Variants in ATRNL1 observed in about 807,000 individuals in gnomAD.
ATRNL1 encodes the protein attractin like 1.
A neutral mutation model predicts 182.7 loss-of-function variants in ATRNL1; 95 were observed. The observed-to-expected ratio is 0.52, with a 90% CI of 0.44 to 0.62. The LOEUF (loss-of-function observed/expected upper bound fraction) is 0.62. ATRNL1 is among the 20% of genes least tolerant of loss of function. The pLI is 0.00. For missense variants in ATRNL1, 1,471 were observed against 1,679.5 expected (o/e 0.88, Z 2.17); for synonymous variants, 576 against 568.3 (o/e 1.01, Z -0.19).
intron 8 of ATRNL1, among the ~76,000 whole-genome samples, chr10:115,187,978 C>G (rs1249972626): frequency 1.4e-5 from 2 of 138,006 alleles, no homozygotes; most frequent in Admixed American, 8.0e-5. Context: ...CCGCACCCAG[C>G]TGGTTCTTAA....
intron 9 of ATRNL1, among the ~76,000 whole-genome samples, chr10:115,230,822 T>C (rs1366301947): frequency 2.8e-5 from 4 of 141,422 alleles, no homozygotes; most frequent in Non-Finnish European, 6.0e-5. Flanking sequence ...ATTTTCAAGG[T>C]AGAACCAACA....
chr10:115,311,380 G>A (rs1013270328), intron 17 of ATRNL1, among the ~76,000 whole-genome samples: 7 of 151,930 alleles, frequency 4.6e-5, no homozygotes, highest in Admixed American at 6.6e-5. Context: ...AGTAGAAACC[G>A]GTTTCACCAT....
rs138063903 is a variant in ATRNL1 at position 115,712,740 on chromosome 10, C to T, written c.3796-14508C>T. Among the ~76,000 whole-genome samples the T allele has an allele frequency of 3.5e-3, 536 of 151,886 alleles. 1 individual carries two copies. The highest frequency in any genetic ancestry group is 0.024 in the Middle Eastern group (7 of 294). On this transcript the variant is annotated intron_variant, in intron 26 of 28. Transcript: ENST00000355044. ...CAGATTAGCCAGGCGTGGTGATGTG[C>T]GCCTGTAATCCCAGCTACTCAGGAG...
intron 26 of ATRNL1, among the ~76,000 whole-genome samples, chr10:115,692,445 A>G (rs1403305677): frequency 6.6e-6 from 1 of 152,152 alleles, no homozygotes; most frequent in Admixed American, 6.5e-5. Flanking sequence ...CAAAGCATAT[A>G]CTGTTCTAGG....
At chr10:115,173,665 T>C (rs556191658) in intron 8 of ATRNL1, among the ~76,000 whole-genome samples, 1 of 152,058 alleles carries the variant, frequency 6.6e-6, no homozygotes, top group Admixed American at 6.6e-5. Flanking sequence ...ATAATTGTTA[T>C]GTGCTTATTG....
intron 3 of ATRNL1, among the ~76,000 whole-genome samples, chr10:115,122,121 C>A (rs945305359): frequency 2.6e-5 from 4 of 151,634 alleles, no homozygotes; most frequent in African/African-American, 9.7e-5. Flanking sequence ...GATATATTAG[C>A]GTGAGTTCTA....
At chr10:115,101,426 G>A (rs969435646) in intron 1 of ATRNL1, among the ~76,000 whole-genome samples, 20 of 152,034 alleles carry the variant, frequency 1.3e-4, no homozygotes, top group African/African-American at 4.8e-4. Context: ...ATGGAAACTG[G>A]ATTGTATTAA....
Position 115,614,176 on chromosome 10 carries a change from G to A in ATRNL1, c.3795+64640G>A, listed in dbSNP as rs186764052. ...TAGGTTTCTATGGCTATAAACGTCC[G>A]TCATAGTACTGCTTTTGCTGTATCC... is the stretch of plus-strand genomic sequence containing the variant. On this transcript the variant is annotated intron_variant, in intron 26 of 28. Coordinates refer to ENST00000355044, the MANE Select transcript of ATRNL1 (RefSeq NM_207303.4). Among the ~76,000 whole-genome samples, 218 of 151,880 alleles carry A rather than the reference G, an allele frequency of 1.4e-3. 1 individual carries two copies. The highest frequency in any genetic ancestry group is 6.8e-3 in the Middle Eastern group (2 of 294).
At position 115,878,214 on chromosome 10, in the gene ATRNL1, G is replaced by A. The variant is rs557281795; in HGVS notation, c.4018+30223G>A. Among the ~76,000 whole-genome samples, 6 of 152,330 alleles carry A rather than the reference G, an allele frequency of 3.9e-5. No individual in the cohort carries two copies. The East Asian group carries it at 5.8e-4, about 15-fold the overall frequency. ...ACTAAATCTGTTTCAGATCTTACTG[G>A]CCAGCCTCACCATACTGGCCACACA... is the stretch of plus-strand genomic sequence containing the variant. On this transcript the variant is annotated intron_variant, in intron 28 of 28. Transcript: ENST00000355044.
At chr10:115,624,868 T>C (rs1555024163) in intron 26 of ATRNL1, among the ~76,000 whole-genome samples, 1 of 152,214 alleles carries the variant, frequency 6.6e-6, no homozygotes, top group African/African-American at 2.4e-5. Flanking sequence ...TCATTTTCTT[T>C]AAGTTTCTAA....
intron 10 of ATRNL1, among the ~76,000 whole-genome samples, chr10:115,256,474 T>A (rs1366798961): frequency 6.6e-6 from 1 of 152,120 alleles, no homozygotes; most frequent in African/African-American, 2.4e-5. Flanking sequence ...CTTTGGGATC[T>A]GTGGTGATAT....
intron 20 of ATRNL1, among the ~76,000 whole-genome samples, chr10:115,416,422 T>G (rs1176110836): frequency 6.6e-6 from 1 of 152,196 alleles, no homozygotes; most frequent in African/African-American, 2.4e-5. Context: ...TATTTGTTAA[T>G]ATAAACCACT....
At position 115,676,031 on chromosome 10, in the gene ATRNL1, A is replaced by G. The variant is rs142700084; in HGVS notation, c.3796-51217A>G. On this transcript the variant is annotated intron_variant, in intron 26 of 28. Transcript: ENST00000355044. ...ACACCGGGCAAAATTTTGCAAATCA[A>G]TCTATCTGGAAAGAAAATCTAATAG... is the stretch of plus-strand genomic sequence containing the variant. Among the ~76,000 whole-genome samples, 404 of 152,120 alleles carry G rather than the reference A, an allele frequency of 2.7e-3. 3 individuals are homozygous for G. Among genetic ancestry groups the G allele is most frequent in the African/African-American group, 8.5e-3 (352 of 41,526 alleles).
At chr10:115,830,000 G>A (rs1457627152) in intron 27 of ATRNL1, among the ~76,000 whole-genome samples, 1 of 152,188 alleles carries the variant, frequency 6.6e-6, no homozygotes, top group Non-Finnish European at 1.5e-5. Flanking sequence ...TGCAGTAAGT[G>A]TTAGCTACTA....
intron 21 of ATRNL1, among the ~76,000 whole-genome samples, chr10:115,429,054 G>A (rs1171157146): frequency 6.6e-6 from 1 of 151,942 alleles, no homozygotes; most frequent in Non-Finnish European, 1.5e-5. Flanking sequence ...GTGTATAGTG[G>A]CATTTTGTGG....
chr10:115,378,720 A>C (rs188802151), intron 19 of ATRNL1, among the ~76,000 whole-genome samples: 3 of 152,324 alleles, frequency 2.0e-5, no homozygotes, highest in African/African-American at 7.2e-5. Flanking sequence ...CAAGTCTCCC[A>C]GTGTTTTTGA....
Position 115,129,531 on chromosome 10 carries a change from G to T in ATRNL1, c.825G>T (p.Trp275Cys). 1 of 1,613,648 alleles carries T rather than the reference G, an allele frequency of 6.2e-7. No individual in the cohort carries two copies. Among genetic ancestry groups the T allele is most frequent in the Non-Finnish European group, 8.5e-7 (1 of 1,179,600 alleles). The change falls in exon 5 of 29, where the codon TGG (tryptophan) becomes TGT (cysteine). Residue 275 changes from tryptophan (W) to cysteine (C), a missense_variant. This residue lies in a region of ATRNL1 where 1,031 missense variants were observed against 1,156.0 expected (regional missense o/e 0.89). Coordinates refer to ENST00000355044, the MANE Select transcript of ATRNL1 (RefSeq NM_207303.4). ...GEKLCVCNDSWQGPDCSLNVP... is the reference protein window; with the variant it reads ...GEKLCVCNDSCQGPDCSLNVP... The stretch of plus-strand genomic sequence containing the variant: ...AATTATGTGTCTGCAATGATAGTTG[G>T]CAAGGTAAGCATGTGTGGTGTGATG...
At chr10:115,159,529 AT>A (rs1159646985) in intron 5 of ATRNL1, among the ~76,000 whole-genome samples, 27 of 151,768 alleles carry the variant, frequency 1.8e-4, no homozygotes, top group African/African-American at 4.3e-4. Context: ...GCTAAAAAAA[AT>A]GTAATCTTTT....
intron 27 of ATRNL1, among the ~76,000 whole-genome samples, chr10:115,737,134 A>G (rs1257767055): frequency 1.3e-5 from 2 of 151,956 alleles, no homozygotes; most frequent in Non-Finnish European, 2.9e-5. Context: ...ATTAAAAGGT[A>G]TACTTCATTG....
Sources: allele counts gnomAD v4.1 joint callset (sites outside exome capture counted in the v4.1 genomes callset), GRCh38; gene constraint gnomAD v4.1.1; regional missense constraint gnomAD v4.1.1; transcripts MANE v1.5; gene names NCBI Gene and HGNC (gene_info 2026-07-23, HGNC 2026-07-21).